The following MAGI2 variants were observed in gnomAD, a reference collection of about 807,000 sequenced individuals.
The protein encoded by MAGI2 is membrane-associated guanylate kinase, WW and PDZ domain-containing protein 2.
In MAGI2, 35 loss-of-function variants were observed where a neutral mutation model predicts 133.3. The ratio of observed to expected loss-of-function variants is 0.26; its 90% confidence interval spans 0.20 to 0.35. The LOEUF (loss-of-function observed/expected upper bound fraction) is 0.35, where lower values mean the gene tolerates loss of function less well. MAGI2 is among the 10% of genes least tolerant of loss of function. MAGI2 has a pLI of 1.00. For missense variants in MAGI2, 1,636 were observed against 1,863.4 expected (o/e 0.88, Z 2.25); for synonymous variants, 729 against 710.6 (o/e 1.03, Z -0.41).
At chr7:79,011,916 C>CTTTCTTT (rs1562785249) in intron 1 of MAGI2, among the ~76,000 whole-genome samples, 3 of 128,308 alleles carry the variant, frequency 2.3e-5, no homozygotes, top group African/African-American at 9.6e-5. Flanking sequence ...TTCCTTCCTT[C>CTTTCTTT]CTTCCTTCCT....
intron 2 of MAGI2, among the ~76,000 whole-genome samples, chr7:78,966,797 A>G (rs1803350157): frequency 6.8e-6 from 1 of 147,862 alleles, no homozygotes; most frequent in South Asian, 2.1e-4. Context: ...CTAATAGCAT[A>G]TGAGTTTTCA....
intron 1 of MAGI2, among the ~76,000 whole-genome samples, chr7:79,430,135 C>T (rs537837969): frequency 3.9e-5 from 6 of 152,042 alleles, no homozygotes; most frequent in African/African-American, 1.2e-4. Context: ...TTAGTATTTG[C>T]TAAATAGGAA....
intron 21 of MAGI2, among the ~76,000 whole-genome samples, chr7:78,069,145 T>C (rs1246271635): frequency 1.3e-5 from 2 of 152,050 alleles, no homozygotes; most frequent in African/African-American, 4.8e-5. Flanking sequence ...TGACAAGTCA[T>C]AGAATGGAGA....
At chr7:79,380,684 A>C (rs1378672635) in intron 1 of MAGI2, among the ~76,000 whole-genome samples, 1 of 151,774 alleles carries the variant, frequency 6.6e-6, no homozygotes, top group East Asian at 1.9e-4. Context: ...TTAAAAATCC[A>C]CTACAATTTT....
At chr7:79,312,551 C>G (rs989378671) in intron 1 of MAGI2, among the ~76,000 whole-genome samples, 3 of 152,150 alleles carry the variant, frequency 2.0e-5, no homozygotes, top group African/African-American at 7.2e-5. Flanking sequence ...GCTTCTGTTT[C>G]TCATTTTTTG....
At chr7:79,313,197 C>CCTTTGCAAG (rs1214672679) in intron 1 of MAGI2, among the ~76,000 whole-genome samples, 1 of 152,078 alleles carries the variant, frequency 6.6e-6, no homozygotes, top group African/African-American at 2.4e-5. Flanking sequence ...TTCTTGTAAG[C>CCTTTGCAAG]CTTTGTAAGC....
At chr7:79,225,142 G>A (rs1464487025) in intron 1 of MAGI2, among the ~76,000 whole-genome samples, 1 of 152,036 alleles carries the variant, frequency 6.6e-6, no homozygotes, top group Admixed American at 6.5e-5. Flanking sequence ...TCCATGCTAG[G>A]CTGTGGGCTT....
intron 2 of MAGI2, among the ~76,000 whole-genome samples, chr7:78,896,838 A>G (rs1355304817): frequency 6.6e-6 from 1 of 152,186 alleles, no homozygotes; most frequent in Non-Finnish European, 1.5e-5. Context: ...TCACTTTAGT[A>G]TGAAAAGCTG....
chr7:78,379,417 A>G (rs563090485), intron 6 of MAGI2, among the ~76,000 whole-genome samples: 1 of 152,148 alleles, frequency 6.6e-6, no homozygotes, highest in South Asian at 2.1e-4. Context: ...TCTTCCTATT[A>G]GATGGAAGAA....
At chr7:78,411,292 T>C (rs1277799953) in intron 6 of MAGI2, among the ~76,000 whole-genome samples, 1 of 152,068 alleles carries the variant, frequency 6.6e-6, no homozygotes. Flanking sequence ...TCTCGTACTG[T>C]ATAAATTGAA....
chr7:78,246,472 G>A (rs1256983333), intron 10 of MAGI2, among the ~76,000 whole-genome samples: 1 of 152,116 alleles, frequency 6.6e-6, no homozygotes, highest in Non-Finnish European at 1.5e-5. Flanking sequence ...TGGTTGGGCT[G>A]AGACACCCTG....
chr7:79,293,616 A>C (rs577982771), intron 1 of MAGI2, among the ~76,000 whole-genome samples: 1 of 152,248 alleles, frequency 6.6e-6, no homozygotes, highest in African/African-American at 2.4e-5. Context: ...TTAATTTACA[A>C]TGACATTATA....
At chr7:78,530,503 T>C (rs1797371438) in intron 3 of MAGI2, among the ~76,000 whole-genome samples, 1 of 152,210 alleles carries the variant, frequency 6.6e-6, no homozygotes, top group African/African-American at 2.4e-5. Context: ...TGTTCACGGG[T>C]AGGACTGAAG....
chr7:78,397,572 G>C (rs1306936213), intron 6 of MAGI2, among the ~76,000 whole-genome samples: 2 of 152,100 alleles, frequency 1.3e-5, no homozygotes, highest in African/African-American at 4.8e-5. Flanking sequence ...TCAAGAGTTT[G>C]GCAGGCAGGA....
In MAGI2 at chr7:78,185,679, G is replaced by A. The variant is rs1300638120; in HGVS notation, c.2270-9C>T. On this transcript the variant is annotated splice_polypyrimidine_tract_variant and intron_variant, in intron 12 of 21. Transcript: ENST00000354212. The stretch of plus-strand genomic sequence containing the variant: ...CCTGGGTGGCACTTGTTCTGGATGG[G>A]AAAATGGGGAATTAAAGTTGAAATT... 6.4e-7 allele frequency: 1 copy of A among 1,560,010 alleles called. No individual in the cohort carries two copies. The highest frequency in any genetic ancestry group is 8.7e-7 in the Non-Finnish European group (1 of 1,145,220).
At chr7:79,264,660 G>T (rs1317595932) in intron 1 of MAGI2, among the ~76,000 whole-genome samples, 1 of 152,042 alleles carries the variant, frequency 6.6e-6, no homozygotes, top group Non-Finnish European at 1.5e-5. Context: ...GTTTTCTGTT[G>T]CTATAAAGGA....
intron 14 of MAGI2, among the ~76,000 whole-genome samples, chr7:78,172,695 C>T (rs566156584): frequency 6.6e-6 from 1 of 152,274 alleles, no homozygotes; most frequent in Admixed American, 6.5e-5. Flanking sequence ...TTCGTATATA[C>T]AGAGGCAGAA....
intron 1 of MAGI2, among the ~76,000 whole-genome samples, chr7:79,214,429 A>C (rs1442831885): frequency 7.8e-6 from 1 of 127,638 alleles, no homozygotes; most frequent in Admixed American, 8.5e-5. Context: ...ATATATATAT[A>C]TATATATATA....
intron 9 of MAGI2, among the ~76,000 whole-genome samples, chr7:78,258,535 A>G (rs1793221189): frequency 6.6e-6 from 1 of 152,106 alleles, no homozygotes; most frequent in Non-Finnish European, 1.5e-5. Context: ...TTCCAAGGTA[A>G]CCATTGCCCT....
Sources: gnomAD v4.1 joint callset for allele counts (sites outside exome capture counted in the v4.1 genomes callset) on GRCh38, gnomAD v4.1.1 for gene constraint, MANE v1.5 for transcripts, NCBI Gene and HGNC (gene_info 2026-07-23, HGNC 2026-07-21) for gene names.